The following FBXO31 variants were observed in gnomAD, a reference collection of about 807,000 sequenced individuals.
FBXO31 encodes the protein F-box only protein 31.
Under a neutral mutation model 54.4 loss-of-function variants are expected in FBXO31, and 24 were observed. That is an observed-to-expected ratio of 0.44 (90% CI 0.32 to 0.62). The LOEUF is 0.62. FBXO31 is among the 20% of genes least tolerant of loss of function. The probability of loss-of-function intolerance (pLI) is 0.05; values close to 1 mark genes in which losing one functional copy is unlikely to be tolerated. For synonymous variants in FBXO31, 388 were observed against 335.6 expected, an observed-to-expected ratio of 1.16 and a Z score of -1.71; for missense variants, 665 against 787.1, an observed-to-expected ratio of 0.84 and a Z score of 1.86.
intron 1 of FBXO31, among the ~76,000 whole-genome samples, chr16:87,360,845 A>T (rs1325238599): frequency 6.6e-6 from 1 of 152,158 alleles, no homozygotes; most frequent in African/African-American, 2.4e-5. Context: ...CGTGCAAGAC[A>T]TGGGGGAAGG....
chr16:87,352,942 A>C (rs2150681088), intron 2 of FBXO31, among the ~76,000 whole-genome samples: 1 of 152,318 alleles, frequency 6.6e-6, no homozygotes, highest in South Asian at 2.1e-4. Context: ...ACCTTGGCCC[A>C]CGTGCCACAG....
At chr16:87,378,775 C>A (rs979277477) in intron 1 of FBXO31, among the ~76,000 whole-genome samples, 2 of 152,100 alleles carry the variant, frequency 1.3e-5, no homozygotes, top group East Asian at 3.9e-4. Flanking sequence ...ACCTGGCTAA[C>A]ACGGTGAAAC....
At chr16:87,355,561 T>C (rs1905855460) in intron 2 of FBXO31, among the ~76,000 whole-genome samples, 1 of 152,212 alleles carries the variant, frequency 6.6e-6, no homozygotes, top group Non-Finnish European at 1.5e-5. Flanking sequence ...AACTGCTGTT[T>C]TTCATTTTAT....
At chr16:87,341,623 T>C (rs1381520444) in intron 5 of FBXO31, among the ~76,000 whole-genome samples, 1 of 118,174 alleles carries the variant, frequency 8.5e-6, no homozygotes, top group African/African-American at 3.3e-5. Context: ...GTCACTGCAC[T>C]CCAGCCTGGG....
chr16:87,369,596 T>G (rs1906511269), intron 1 of FBXO31, among the ~76,000 whole-genome samples: 1 of 152,208 alleles, frequency 6.6e-6, no homozygotes, highest in Non-Finnish European at 1.5e-5. Flanking sequence ...CTGGGATGGC[T>G]CCGCCTTTTG....
chr16:87,334,528 C>T (rs1164061512), intron 7 of FBXO31, among the ~76,000 whole-genome samples: 4 of 152,222 alleles, frequency 2.6e-5, no homozygotes, highest in African/African-American at 9.6e-5. Context: ...CAGAGAAGTT[C>T]AAAGAACATC....
chr16:87,360,381 A>G lies in FBXO31; in HGVS notation c.341-15T>C. On this transcript the variant is annotated splice_polypyrimidine_tract_variant and intron_variant, in intron 1 of 8. Coordinates refer to ENST00000311635, the MANE Select transcript of FBXO31 (RefSeq NM_024735.5). ...AACACCATACTCTGTAACAAGAAAC[A>G]TTTGCAGAAATTTAAGATCAACAAC... The G allele has an allele frequency of 6.2e-7, 1 of 1,613,190 alleles. No individual in the cohort carries two copies. Among genetic ancestry groups the G allele is most frequent in the Non-Finnish European group, 8.5e-7 (1 of 1,179,462 alleles).
chr16:87,355,810 C>G (rs1005283836), intron 2 of FBXO31, among the ~76,000 whole-genome samples: 2 of 152,100 alleles, frequency 1.3e-5, no homozygotes, highest in African/African-American at 4.8e-5. Flanking sequence ...CCACCTGCCT[C>G]GGGGACAAAA....
chr16:87,340,854 C>T (rs1278174236), intron 5 of FBXO31, among the ~76,000 whole-genome samples: 1 of 151,746 alleles, frequency 6.6e-6, no homozygotes, highest in Non-Finnish European at 1.5e-5. Context: ...AAGAGAAATC[C>T]AAAGACAAAA....
In FBXO31 at chr16:87,335,431, T is replaced by C. The variant is rs1597358074; in HGVS notation, c.869A>G (p.Tyr290Cys). The change falls in exon 7 of 9, where the codon TAC (tyrosine) becomes TGC (cysteine). Residue 290 changes from tyrosine to cysteine, a missense_variant. Around this residue, in one of 4 missense-constraint regions of FBXO31, gnomAD observed 234 missense variants for 346.8 expected, o/e 0.67. Transcript: ENST00000311635. The surrounding 1 kb of genome is among the most constrained non-coding windows in gnomAD (Gnocchi z 5.7). Reference protein sequence around the residue: ...YDNCLTYRRIYLPPSRPDDLI... With the variant: ...YDNCLTYRRICLPPSRPDDLI... ...GTCGTCGGGGCGGCTGGGCGGCAGG[T>C]AGATGCGGCGGTAGGTCAGGCAGTT... The C allele has an allele frequency of 6.2e-7, 1 of 1,613,192 alleles. No individual in the cohort carries two copies. The highest frequency in any genetic ancestry group is 1.3e-5 in the African/African-American group (1 of 74,986).
chr16:87,342,695 C>A (rs914085156), intron 5 of FBXO31, among the ~76,000 whole-genome samples, 182 bp downstream of exon 5: 1 of 152,222 alleles, frequency 6.6e-6, no homozygotes, highest in African/African-American at 2.4e-5. Context: ...CCCGCCCGCA[C>A]GATGCTGTTC....
upstream of FBXO31, among the ~76,000 whole-genome samples, chr16:87,384,538 G>T (rs1480988778): frequency 6.6e-6 from 1 of 152,240 alleles, no homozygotes; most frequent in Non-Finnish European, 1.5e-5. Flanking sequence ...GCTCCAGCTG[G>T]GCTCCGCCGA....
At chr16:87,334,465 C>T (rs1904979068) in intron 7 of FBXO31, among the ~76,000 whole-genome samples, 179 bp from the exon 8 acceptor site, 2 of 152,230 alleles carry the variant, frequency 1.3e-5, no homozygotes, top group Admixed American at 1.3e-4. Flanking sequence ...GCAGGGCCAG[C>T]AACACCTATG....
At chr16:87,348,163 G>C (rs113008011) in intron 2 of FBXO31, among the ~76,000 whole-genome samples, 2 of 152,016 alleles carry the variant, frequency 1.3e-5, no homozygotes, top group East Asian at 3.9e-4. Context: ...CTCTCTCCAC[G>C]ACTCCCTGGC....
At position 87,336,807 on chromosome 16, in the gene FBXO31, G is replaced by T. The variant is rs753139686; in HGVS notation, c.733-543C>A. 6.6e-6 allele frequency among the ~76,000 whole-genome samples: 1 copy of T among 152,170 alleles called. No individual in the cohort carries two copies. The highest frequency in any genetic ancestry group is 1.5e-5 in the Non-Finnish European group (1 of 68,024). ...AAAGGAAAAGCAGGTATGTTAAGGC[G>T]GTTCCCAAAAACTCCGCAGCCCCAC... On this transcript the variant is annotated intron_variant, in intron 5 of 8. Transcript: ENST00000311635. This position sits in a 1 kb window ranked among gnomAD's most constrained non-coding sequence, Gnocchi z 6.5.
rs986973458 is a variant in FBXO31 at position 87,338,756 on chromosome 16, T to C, written c.733-2492A>G. Among the ~76,000 whole-genome samples the C allele has an allele frequency of 2.6e-5, 4 of 152,150 alleles. No homozygotes were observed. The East Asian group carries it at 7.8e-4, about 30-fold the overall frequency. On this transcript the variant is annotated intron_variant, in intron 5 of 8. Coordinates refer to ENST00000311635, the MANE Select transcript of FBXO31 (RefSeq NM_024735.5). This position sits in a 1 kb window ranked among gnomAD's most constrained non-coding sequence, Gnocchi z 4.3. ...CCTCCCCTGTCCAGAGCCTGGCCCC[T>C]CCAACCTCCCTGGGCAGACAGGACT...
chr16:87,333,526 A>G (rs1904935907), intron 8 of FBXO31, among the ~76,000 whole-genome samples: 1 of 152,260 alleles, frequency 6.6e-6, no homozygotes, highest in African/African-American at 2.4e-5. Context: ...GCTGCTGGAC[A>G]GTTTACATGA....
chr16:87,359,412 T>C (rs1279204999), intron 2 of FBXO31, among the ~76,000 whole-genome samples: 2 of 152,166 alleles, frequency 1.3e-5, no homozygotes, highest in African/African-American at 4.8e-5. Flanking sequence ...TGTACACTCC[T>C]ATGGCTGTTA....
At chr16:87,355,723 C>T (rs571811630) in intron 2 of FBXO31, among the ~76,000 whole-genome samples, 1 of 152,344 alleles carries the variant, frequency 6.6e-6, no homozygotes, top group East Asian at 1.9e-4. Context: ...GGAGGCTGCG[C>T]AGCCTGGATG....
Sources: gnomAD v4.1 joint callset for allele counts (sites outside exome capture counted in the v4.1 genomes callset) on GRCh38, gnomAD v4.1.1 for gene constraint, gnomAD v4.1.1 regional missense constraint, Gnocchi (gnomAD v3.1) non-coding constraint, MANE v1.5 for transcripts, NCBI Gene and HGNC (gene_info 2026-07-23, HGNC 2026-07-21) for gene names.